The following LRRN2 variants were observed in gnomAD, a reference collection of about 807,000 sequenced individuals.
The protein encoded by LRRN2 is leucine rich repeat neuronal 2, also known as leucine-rich repeat neuronal protein 2.
In LRRN2, 10 loss-of-function variants were observed where a neutral mutation model predicts 35.7. The ratio of observed to expected loss-of-function variants is 0.28; its 90% CI spans 0.17 to 0.47. The LOEUF (loss-of-function observed/expected upper bound fraction) is 0.47, where lower values mean the gene tolerates loss of function less well. LRRN2 is among the 20% of genes least tolerant of loss of function. The pLI is 0.99. For synonymous variants in LRRN2, 391 were observed against 409.6 expected, an observed-to-expected ratio of 0.95 and a Z score of 0.55; for missense variants, 731 against 940.3, an observed-to-expected ratio of 0.78 and a Z score of 2.91.
intron 1 of LRRN2, among the ~76,000 whole-genome samples, chr1:204,666,431 G>A (rs1467588486): frequency 2.0e-5 from 3 of 152,226 alleles, no homozygotes; most frequent in Admixed American, 6.5e-5. Context: ...TACAATAAAC[G>A]TTTGTTAGGT....
At chr1:204,627,663 G>A (rs1023671935) in intron 1 of LRRN2, among the ~76,000 whole-genome samples, 2 of 152,248 alleles carry the variant, frequency 1.3e-5, no homozygotes, top group Admixed American at 6.5e-5. Flanking sequence ...CAGGGGAGCC[G>A]AGCCAGCCTG....
Position 204,619,489 on chromosome 1 carries a change from C to T in LRRN2, c.504G>A (p.Leu168=), listed in dbSNP as rs201493949. 10 of 1,614,122 alleles carry T rather than the reference C, an allele frequency of 6.2e-6. No individual in the cohort carries two copies. Among genetic ancestry groups the T allele is most frequent in the Non-Finnish European group, 8.5e-6 (10 of 1,180,056 alleles). Residue 168 remains leucine (L), a synonymous_variant, in exon 2 of 2, where the codon CTG becomes CTA. Transcript: ENST00000367177. Reference sequence around the variant, plus strand: ...GGAGGTTGGAGTTGAGGTGCAGCCGCAGCAAGTTGCTGAGGCCAGAAAAGG... The same window carrying T: ...GGAGGTTGGAGTTGAGGTGCAGCCGTAGCAAGTTGCTGAGGCCAGAAAAGG... ...PRAFSGLSNL[L]RLHLNSNLLR...
chr1:204,665,185 A>C (rs1668550626), intron 1 of LRRN2, among the ~76,000 whole-genome samples: 1 of 152,168 alleles, frequency 6.6e-6, no homozygotes, highest in African/African-American at 2.4e-5. Context: ...AAGAAAAAAA[A>C]AGAAAAAAAA....
At chr1:204,647,510 T>C (rs549740905) in intron 1 of LRRN2, among the ~76,000 whole-genome samples, 36 of 152,306 alleles carry the variant, frequency 2.4e-4, no homozygotes, top group African/African-American at 8.7e-4. Context: ...TAAAGGTTTC[T>C]TGTCTGACAA....
At chr1:204,647,996 T>C (rs149071419) in intron 1 of LRRN2, among the ~76,000 whole-genome samples, 1 of 152,394 alleles carries the variant, frequency 6.6e-6, no homozygotes, top group Admixed American at 6.5e-5. Context: ...GCTTGCATTA[T>C]ATTTCTATTG....
At chr1:204,626,908 C>T (rs569959835) in intron 1 of LRRN2, 32 of 152,148 alleles carry the variant, frequency 2.1e-4, no homozygotes, top group African/African-American at 7.7e-4. Context: ...TATACACACG[C>T]ATTTGTGCAC....
intron 1 of LRRN2, among the ~76,000 whole-genome samples, chr1:204,664,776 T>C (rs1668542748): frequency 6.6e-6 from 1 of 152,190 alleles, no homozygotes; most frequent in African/African-American, 2.4e-5. Flanking sequence ...ACTTCCTTCT[T>C]GGAAGTCCCT....
chr1:204,624,568 G>A (rs12046747), intron 1 of LRRN2, among the ~76,000 whole-genome samples: 26,675 of 152,222 alleles, frequency 0.18, 2,778 homozygotes, highest in East Asian at 0.31. Flanking sequence ...CAATGCCCCT[G>A]ATTAAACTAA....
At chr1:204,631,004 G>A (rs1385131956) in intron 1 of LRRN2, among the ~76,000 whole-genome samples, 1 of 151,656 alleles carries the variant, frequency 6.6e-6, no homozygotes, top group African/African-American at 2.4e-5. Flanking sequence ...TTCTCATACT[G>A]TAGTCCCCGG....
Position 204,617,778 on chromosome 1 carries a change from C to A in LRRN2, c.*73G>T. ...CCATGTCCCTTTCCTGGCAGGGCAT[C>A]TGGCCCAGACTGCTTCTCTTTTGGT... On this transcript the variant is annotated 3_prime_UTR_variant, in exon 2 of 2. Transcript: ENST00000367177. 1 of 1,540,636 alleles carries A rather than the reference C, an allele frequency of 6.5e-7. No individual in the cohort carries two copies. Among genetic ancestry groups the A allele is most frequent in the Non-Finnish European group, 8.9e-7 (1 of 1,119,774 alleles).
intron 1 of LRRN2, among the ~76,000 whole-genome samples, chr1:204,630,441 A>T (rs1227822646): frequency 2.6e-5 from 4 of 152,136 alleles, no homozygotes; most frequent in Admixed American, 6.5e-5. Context: ...AGGAAAATAA[A>T]ATCAGAATGA....
intron 1 of LRRN2, among the ~76,000 whole-genome samples, chr1:204,638,030 G>A (rs1218218843): frequency 6.6e-6 from 1 of 152,100 alleles, no homozygotes; most frequent in African/African-American, 2.4e-5. Context: ...CTTTTCTTCT[G>A]GTCTCCCTCC....
chr1:204,643,423 G>T (rs552559321), intron 1 of LRRN2, among the ~76,000 whole-genome samples: 1 of 152,164 alleles, frequency 6.6e-6, no homozygotes, highest in African/African-American at 2.4e-5. Flanking sequence ...CTCCCAAAAC[G>T]TTAAGTGCTG....
At position 204,618,807 on chromosome 1, in the gene LRRN2, G is replaced by A. The variant is rs765271612; in HGVS notation, c.1186C>T (p.Leu396=). 1.2e-6 allele frequency: 2 copies of A among 1,614,156 alleles called. No individual in the cohort carries two copies. Among genetic ancestry groups the A allele is most frequent in the Non-Finnish European group, 1.7e-6 (2 of 1,180,046 alleles). Residue 396 remains leucine (L), a synonymous_variant, in exon 2 of 2, where the codon CTG becomes TTG. Transcript: ENST00000367177. The stretch of plus-strand genomic sequence containing the variant: ...TGGAGGTCCGGAGGCTCCGCACACA[G>A]GGTGGATTGCGGCTCGATGAAGCGG... The part of the protein sequence containing the change: ...RVRFIEPQST[L]CAEPPDLQRL...
At chr1:204,623,661 G>T (rs573233329) in intron 1 of LRRN2, among the ~76,000 whole-genome samples, 1 of 152,212 alleles carries the variant, frequency 6.6e-6, no homozygotes, top group Non-Finnish European at 1.5e-5. Flanking sequence ...TTCTACCGGG[G>T]AGCTGCAGAG....
intron 1 of LRRN2, among the ~76,000 whole-genome samples, chr1:204,646,413 A>C (rs1041356074): frequency 1.3e-5 from 2 of 152,156 alleles, no homozygotes; most frequent in Non-Finnish European, 2.9e-5. Context: ...ATGGGGAAAC[A>C]GGGATAGTAG....
Position 204,619,165 on chromosome 1 carries a change from T to C in LRRN2, c.828A>G (p.Val276=), listed in dbSNP as rs901431699. 15 of 1,613,942 alleles carry C rather than the reference T, an allele frequency of 9.3e-6. No individual in the cohort carries two copies. The highest frequency in any genetic ancestry group is 3.3e-5 in the Admixed American group (2 of 60,000). ...LDLNKNPLQR[V]GPGDFANMLH... ...GCATGTTGGCAAAGTCCCCCGGCCC[T>C]ACCCGCTGGAGCGGGTTCTTGTTGA... Residue 276 remains valine, a synonymous_variant, in exon 2 of 2, where the codon GTA becomes GTG. Transcript: ENST00000367177.
At chr1:204,620,287 T>C in intron 1 of LRRN2, 69 bp from the exon 2 acceptor site, 1 of 1,155,974 alleles carries the variant, frequency 8.7e-7, no homozygotes, top group Non-Finnish European at 1.2e-6. Context: ...CCCGTGTTTG[T>C]TTGTTTGAGA....
chr1:204,630,738 C>T (rs1040996283), intron 1 of LRRN2, among the ~76,000 whole-genome samples: 5 of 152,100 alleles, frequency 3.3e-5, no homozygotes, highest in Admixed American at 6.5e-5. Context: ...GTCCCACAGG[C>T]CTCTCCCTGG....
Sources: allele counts gnomAD v4.1 joint callset (sites outside exome capture counted in the v4.1 genomes callset), GRCh38; gene constraint gnomAD v4.1.1; transcripts MANE v1.5; gene names NCBI Gene and HGNC (gene_info 2026-07-23, HGNC 2026-07-21).